Variants in PDE6G observed in about 807,000 individuals in gnomAD.
PDE6G encodes phosphodiesterase 6G, also known as rod cGMP 3',5'-cyclic phosphodiesterase subunit gamma.
In PDE6G, 10 loss-of-function variants were observed where a neutral mutation model predicts 10.9. The ratio of observed to expected loss-of-function variants is 0.91; its 90% CI spans 0.56 to 1.55. The LOEUF is 1.55. Among genes scored for constraint, PDE6G ranks in the 40% most tolerant of loss-of-function variants. The probability of loss-of-function intolerance (pLI) is 0.00; values close to 1 mark genes in which losing one functional copy is unlikely to be tolerated. For synonymous variants in PDE6G, 41 were observed against 42.8 expected (o/e 0.96, Z 0.16); for missense variants, 102 against 110.1 (o/e 0.93, Z 0.33).
At position 81,653,176 on chromosome 17, in the gene PDE6G, T is replaced by C; in HGVS notation, c.130A>G (p.Lys44Glu). 1 of 1,613,976 alleles carries C rather than the reference T, an allele frequency of 6.2e-7. No individual in the cohort carries two copies. The highest frequency in any genetic ancestry group is 8.5e-7 in the Non-Finnish European group (1 of 1,179,944). ...QTRQFKSKPP[K>E]KGVQGFGDDI... ...TCTGCTTACCCTTGAACGCCTTTCT[T>C]TGGGGGCTTGCTCTTGAACTGCCTG... Residue 44 changes from lysine (K) to glutamate (E), a missense_variant, in exon 2 of 4, where the codon AAG (lysine) becomes GAG (glutamate). Physicochemically the swap from Lys to Glu is moderately conservative, Grantham distance 56 (BLOSUM62 1). Coordinates refer to ENST00000331056, the MANE Select transcript of PDE6G (RefSeq NM_002602.4). This position sits in a 1 kb window ranked among gnomAD's most constrained non-coding sequence, Gnocchi z 5.2.
Position 81,653,445 on chromosome 17 carries a change from G to A in PDE6G, c.-59-81C>T. ...GGGGTCTCAACCCACCGGTGGAGGGGCTGAGACCCAGCCCCGCCAGCTCCA... is the reference window on the plus strand; with the variant it reads ...GGGGTCTCAACCCACCGGTGGAGGGACTGAGACCCAGCCCCGCCAGCTCCA... On this transcript the variant is annotated intron_variant, in intron 1 of 3. Transcript: ENST00000331056. The surrounding 1 kb of genome is among the most constrained non-coding windows in gnomAD (Gnocchi z 5.2). 2 of 946,836 alleles carry A rather than the reference G, an allele frequency of 2.1e-6. No individual in the cohort carries two copies. Among genetic ancestry groups the A allele is most frequent in the Non-Finnish European group, 3.2e-6 (2 of 628,114 alleles). The allele number at this position is 946,836 out of a possible 1,614,324, so 58.7% of individuals were successfully genotyped here.
chr17:81,658,606 C>T (rs1200568530), upstream of PDE6G, among the ~76,000 whole-genome samples: 2 of 151,536 alleles, frequency 1.3e-5, no homozygotes, highest in Non-Finnish European at 2.9e-5. Flanking sequence ...TTTGGGAGGC[C>T]GAGGCAGGTG....
rs762605056 is a variant in PDE6G at position 81,651,190 on chromosome 17, G to A, written c.188-40C>T. 1.5e-5 allele frequency: 22 copies of A among 1,456,552 alleles called. No homozygotes were observed. Among genetic ancestry groups the A allele is most frequent in the Admixed American group, 8.4e-5 (5 of 59,646 alleles). The allele number at this position is 1,456,552 out of a possible 1,614,324, so 90.2% of individuals were successfully genotyped here. A position where few individuals can be genotyped will look rare whatever the true frequency, so the allele number is the denominator to read the frequency against. On this transcript the variant is annotated intron_variant, in intron 3 of 3. Coordinates refer to ENST00000331056, the MANE Select transcript of PDE6G (RefSeq NM_002602.4). The surrounding 1 kb of genome is among the most constrained non-coding windows in gnomAD (Gnocchi z 4.8). ...GGCCACGGATCAGAGAGGATCCCAC[G>A]GCCTAGGGACCCCCCCATCCCCTGT... is the stretch of plus-strand genomic sequence containing the variant.
rs2036336902 is a variant in PDE6G at position 81,650,772 on chromosome 17, C to T, written c.*302G>A. 2 of 503,814 alleles carry T rather than the reference C, an allele frequency of 4.0e-6. No individual in the cohort carries two copies. Among genetic ancestry groups the T allele is most frequent in the Non-Finnish European group, 3.9e-6 (1 of 258,456 alleles). The allele number at this position is 503,814 out of a possible 1,614,324, so 31.2% of individuals were successfully genotyped here. The stretch of plus-strand genomic sequence containing the variant: ...CAGCAGGCTCCCGGGCTGGGGTCCA[C>T]TTCCCGTTCTCCCTGGGAGTGGAGA... On this transcript the variant is annotated 3_prime_UTR_variant, in exon 4 of 4. Coordinates refer to ENST00000331056, the MANE Select transcript of PDE6G (RefSeq NM_002602.4).
Position 81,650,671 on chromosome 17 carries a change from G to C in PDE6G, c.*403C>G. On this transcript the variant is annotated 3_prime_UTR_variant, in exon 4 of 4. Transcript: ENST00000331056. ...TCTGTATCCCCTTACAGGCAGGACAGGGGGCTGGGGTGCAGAAGCACTCTG... is the reference window on the plus strand; with the variant it reads ...TCTGTATCCCCTTACAGGCAGGACACGGGGCTGGGGTGCAGAAGCACTCTG... The C allele has an allele frequency of 6.6e-6, 3 of 457,030 alleles. No individual in the cohort carries two copies. The highest frequency in any genetic ancestry group is 4.7e-5 in the South Asian group (3 of 64,492). 28.3% of individuals were successfully genotyped at this position (457,030 alleles called of 1,614,324 possible). A position where few individuals can be genotyped will look rare whatever the true frequency, so the allele number is the denominator to read the frequency against.
At position 81,651,544 on chromosome 17, in the gene PDE6G, G is replaced by A; in HGVS notation, c.187+101C>T. ...CTGGGGGTCCCTAAGTGAAAAGCAG[G>A]GGAGGTGGGGGCCGAGGTGGGCTGC... On this transcript the variant is annotated intron_variant, in intron 3 of 3. Coordinates refer to ENST00000331056, the MANE Select transcript of PDE6G (RefSeq NM_002602.4). The surrounding 1 kb of genome is among the most constrained non-coding windows in gnomAD (Gnocchi z 4.8). The A allele has an allele frequency of 2.9e-6, 3 of 1,037,468 alleles. No individual in the cohort carries two copies. Among genetic ancestry groups the A allele is most frequent in the South Asian group, 1.3e-5 (1 of 77,954 alleles). The allele number at this position is 1,037,468 out of a possible 1,614,324, so 64.3% of individuals were successfully genotyped here. A position where few individuals can be genotyped will look rare whatever the true frequency, so the allele number is the denominator to read the frequency against.
At chr17:81,658,207 C>T (rs918665055), upstream of PDE6G, among the ~76,000 whole-genome samples, 5 of 151,906 alleles carry the variant, frequency 3.3e-5, no homozygotes, top group Non-Finnish European at 1.5e-5. Flanking sequence ...GCCTCGGCCT[C>T]CTGAGTAGCT....
chr17:81,652,048 T>C (rs1044190166), intron 2 of PDE6G, among the ~76,000 whole-genome samples: 1 of 152,118 alleles, frequency 6.6e-6, no homozygotes, highest in Non-Finnish European at 1.5e-5. Flanking sequence ...CACGTGCATA[T>C]GTGGAGGTGT....
In PDE6G at chr17:81,650,871, C is replaced by T; in HGVS notation, c.*203G>A. 3.1e-6 allele frequency: 2 copies of T among 653,558 alleles called. No individual in the cohort carries two copies. The highest frequency in any genetic ancestry group is 2.8e-6 in the Non-Finnish European group (1 of 354,376). 40.5% of individuals were successfully genotyped at this position (653,558 alleles called of 1,614,324 possible). A position where few individuals can be genotyped will look rare whatever the true frequency, so the allele number is the denominator to read the frequency against. The stretch of plus-strand genomic sequence containing the variant: ...CAGATGTTGAGCAGGGCCTGGCCAG[C>T]CCCTGAGGGGGCATCCTAGAGGGAG... On this transcript the variant is annotated 3_prime_UTR_variant, in exon 4 of 4. Coordinates refer to ENST00000331056, the MANE Select transcript of PDE6G (RefSeq NM_002602.4).
chr17:81,656,373 C>A lies in PDE6G; in HGVS notation c.-60+120G>T, dbSNP rs2036446706. ...CGGGTAGGCATCTGCAGACCCAGAC[C>A]TCAGCCACGGTGGTAAAAGCCTGTC... On this transcript the variant is annotated intron_variant, in intron 1 of 3. Coordinates refer to ENST00000331056, the MANE Select transcript of PDE6G (RefSeq NM_002602.4). 9 of 666,338 alleles carry A rather than the reference C, an allele frequency of 1.4e-5. No homozygotes were observed. In the South Asian group the frequency reaches 1.4e-4, roughly 11 times the overall value. The allele number at this position is 666,338 out of a possible 1,614,324, so 41.3% of individuals were successfully genotyped here.
At chr17:81,660,788 G>A (rs1250506018), upstream of PDE6G, among the ~76,000 whole-genome samples, 1 of 152,152 alleles carries the variant, frequency 6.6e-6, no homozygotes, top group Non-Finnish European at 1.5e-5. Flanking sequence ...TGCCGTGCCC[G>A]GCCGGACATA....
At chr17:81,652,342 T>C (rs1433900139) in intron 2 of PDE6G, among the ~76,000 whole-genome samples, 1 of 152,178 alleles carries the variant, frequency 6.6e-6, no homozygotes, top group Non-Finnish European at 1.5e-5. Context: ...AGTGGCGTGA[T>C]CTCGGCTCAC....
At position 81,650,957 on chromosome 17, in the gene PDE6G, TC is replaced by T; in HGVS notation, c.*116del. 1 of 782,074 alleles carries T rather than the reference TC, an allele frequency of 1.3e-6. No individual in the cohort carries two copies. The allele number at this position is 782,074 out of a possible 1,614,324, so 48.4% of individuals were successfully genotyped here. ...GGGGAGACCTGAGGTTGCAGTCCCA[TC>T]CTGGTGTCCAGGTGCCATCTGGGCT... On this transcript the variant is annotated 3_prime_UTR_variant, in exon 4 of 4. Transcript: ENST00000331056.
chr17:81,652,759 G>C (rs1285417094), intron 2 of PDE6G, among the ~76,000 whole-genome samples: 1 of 151,572 alleles, frequency 6.6e-6, no homozygotes, highest in Non-Finnish European at 1.5e-5. Context: ...ATTTTTAGTA[G>C]AGACAGGTTT....
chr17:81,662,464 A>C (rs1477011617), intron 1 of PDE6G, among the ~76,000 whole-genome samples: 10 of 152,142 alleles, frequency 6.6e-5, no homozygotes, highest in Admixed American at 6.6e-4. Flanking sequence ...CTCTACTAAA[A>C]ATATAAAAAT....
At chr17:81,662,085 G>A (rs2036517413) in intron 1 of PDE6G, among the ~76,000 whole-genome samples, 3 of 152,104 alleles carry the variant, frequency 2.0e-5, no homozygotes, top group Middle Eastern at 3.4e-3. Flanking sequence ...CTCCCTTCAA[G>A]TTGTCCCTCC....
upstream of PDE6G, chr17:81,656,929 C>T (rs2036454570): frequency 5.2e-6 from 2 of 388,330 alleles, no homozygotes; most frequent in African/African-American, 2.1e-5. Context: ...CACATCTCAC[C>T]CCTCCCACCC....
rs200236628 is a variant in PDE6G at position 81,651,070 on chromosome 17, C to T, written c.*4G>A. The T allele has an allele frequency of 6.3e-4, 1,019 of 1,609,030 alleles. No individual in the cohort carries two copies. The highest frequency in any genetic ancestry group is 7.9e-4 in the Non-Finnish European group (925 of 1,175,450). On this transcript the variant is annotated 3_prime_UTR_variant, in exon 4 of 4. Transcript: ENST00000331056. This position sits in a 1 kb window ranked among gnomAD's most constrained non-coding sequence, Gnocchi z 4.8. ...GAGGGTCTGGACTTCAGCAGGGCCTCGTGCTAGATGATGCCATATTGGGCC... is the reference window on the plus strand; with the variant it reads ...GAGGGTCTGGACTTCAGCAGGGCCTTGTGCTAGATGATGCCATATTGGGCC...
chr17:81,660,655 C>T (rs2036501985), upstream of PDE6G, among the ~76,000 whole-genome samples: 1 of 152,130 alleles, frequency 6.6e-6, no homozygotes, highest in South Asian at 2.1e-4. Flanking sequence ...CCACACCCGG[C>T]TAATTTTTGT....
Sources: allele counts gnomAD v4.1 joint callset (sites outside exome capture counted in the v4.1 genomes callset), GRCh38; gene constraint gnomAD v4.1.1; non-coding constraint Gnocchi (gnomAD v3.1); transcripts MANE v1.5; gene names NCBI Gene and HGNC (gene_info 2026-07-23, HGNC 2026-07-21).